Variants in GRIA4 observed in about 807,000 individuals in gnomAD.
The protein encoded by GRIA4 is glutamate ionotropic receptor AMPA type subunit 4.
Under a neutral mutation model 104.0 loss-of-function variants are expected in GRIA4, and 34 were observed. That is an observed-to-expected ratio of 0.33 (90% CI 0.25 to 0.44). The LOEUF is 0.44. Ranked by LOEUF, GRIA4 falls within the 20% of genes least tolerant of loss-of-function variation. GRIA4 has a pLI of 1.00. For missense variants in GRIA4, 750 were observed against 1,096.5 expected (o/e 0.68, Z 4.46); for synonymous variants, 386 against 381.9 (o/e 1.01, Z -0.13).
chr11:105,961,561 GA>G (rs1182633517), intron 14 of GRIA4, among the ~76,000 whole-genome samples: 2 of 152,198 alleles, frequency 1.3e-5, no homozygotes, highest in African/African-American at 4.8e-5. Flanking sequence ...TTTGGGACCA[GA>G]AGTGTTTTGG....
rs557265423 is a variant in GRIA4 at position 105,836,754 on chromosome 11, T to C, written c.488-25270T>C. Among the ~76,000 whole-genome samples, 5 of 152,270 alleles carry C rather than the reference T, an allele frequency of 3.3e-5. No homozygotes were observed. In the South Asian group the frequency reaches 1.0e-3, roughly 32 times the overall value. ...GCACACTAGGTGATTCTGATGTGGA[T>C]GATTTAAAAGCCACACTTTGAGAAA... On this transcript the variant is annotated intron_variant, in intron 4 of 16. Coordinates refer to ENST00000282499, the MANE Select transcript of GRIA4 (RefSeq NM_000829.4).
At chr11:105,744,089 TC>T (rs1939497957) in intron 3 of GRIA4, among the ~76,000 whole-genome samples, 1 of 152,170 alleles carries the variant, frequency 6.6e-6, no homozygotes, top group Admixed American at 6.5e-5. Context: ...CACTCCACCC[TC>T]TGAGAAGTAC....
At chr11:105,892,364 T>A (rs1373612554) in intron 6 of GRIA4, among the ~76,000 whole-genome samples, 1 of 152,176 alleles carries the variant, frequency 6.6e-6, no homozygotes, top group Non-Finnish European at 1.5e-5. Flanking sequence ...TTAATTTACA[T>A]CTAGGAGAAC....
intron 3 of GRIA4, among the ~76,000 whole-genome samples, chr11:105,665,853 A>G (rs1952148785): frequency 6.6e-6 from 1 of 151,984 alleles, no homozygotes; most frequent in African/African-American, 2.4e-5. Context: ...CATTTCACAG[A>G]AAGAAATACC....
chr11:105,960,643 A>C (rs934918998), intron 14 of GRIA4, among the ~76,000 whole-genome samples: 2 of 152,174 alleles, frequency 1.3e-5, no homozygotes, highest in Non-Finnish European at 2.9e-5. Flanking sequence ...AGGCAGCAGC[A>C]GCTGGTGCTG....
chr11:105,669,650 G>C (rs536793727), intron 3 of GRIA4, among the ~76,000 whole-genome samples: 1 of 152,190 alleles, frequency 6.6e-6, no homozygotes, highest in East Asian at 1.9e-4. Context: ...CCCCAACTCA[G>C]ATCTGGACTT....
chr11:105,892,091 T>A (rs1386604048), intron 6 of GRIA4, among the ~76,000 whole-genome samples: 2 of 152,138 alleles, frequency 1.3e-5, no homozygotes, highest in African/African-American at 2.4e-5. Context: ...CCTGTCTGAT[T>A]GCAAAGAATA....
chr11:105,879,858 T>C (rs1945982671), intron 5 of GRIA4, among the ~76,000 whole-genome samples: 1 of 152,210 alleles, frequency 6.6e-6, no homozygotes, highest in African/African-American at 2.4e-5. Context: ...ATGAAAGATA[T>C]ATTAACATTG....
chr11:105,674,183 T>G (rs1373207101), intron 3 of GRIA4, among the ~76,000 whole-genome samples: 1 of 152,026 alleles, frequency 6.6e-6, no homozygotes, highest in African/African-American at 2.4e-5. Context: ...TCTACCGATT[T>G]ATTACAATCA....
chr11:105,685,096 T>G (rs1442626170), intron 3 of GRIA4, among the ~76,000 whole-genome samples: 1 of 150,016 alleles, frequency 6.7e-6, no homozygotes, highest in East Asian at 2.0e-4. Flanking sequence ...TTATCAATTA[T>G]TTACCACCTG....
At chr11:105,888,271 CTTTTTTTTTTTTT>C (rs71469040) in intron 6 of GRIA4, among the ~76,000 whole-genome samples, 41 of 54,574 alleles carry the variant, frequency 7.5e-4, no homozygotes, top group Middle Eastern at 0.031. Context: ...ATGTTTTCTC[CTTTTTTTTTTTTT>C]TTTTTTTTTT....
intron 13 of GRIA4, among the ~76,000 whole-genome samples, 156 bp from the exon 14 acceptor site, chr11:105,933,566 G>T (rs1195450653): frequency 6.6e-6 from 1 of 152,062 alleles, no homozygotes; most frequent in Non-Finnish European, 1.5e-5. Flanking sequence ...TTTCCTATTT[G>T]AAAATAATAA....
intron 3 of GRIA4, among the ~76,000 whole-genome samples, chr11:105,619,162 A>G (rs1950677194): frequency 6.6e-6 from 1 of 151,776 alleles, no homozygotes; most frequent in Non-Finnish European, 1.5e-5. Context: ...ACTTAGAGAT[A>G]TGGAGAGATA....
In GRIA4 at chr11:105,905,320, G is replaced by GA; in HGVS notation, c.1158+24dup. 2 of 1,256,912 alleles carry GA rather than the reference G, an allele frequency of 1.6e-6. No individual in the cohort carries two copies. 77.9% of individuals were successfully genotyped at this position (1,256,912 alleles called of 1,614,324 possible). ...TAGAAAGGTGAGCCACGATCAAACTGAAAAACAGAATTCTCTGTTTCTTAG... is the reference window on the plus strand; with the variant it reads ...TAGAAAGGTGAGCCACGATCAAACTGAAAAAACAGAATTCTCTGTTTCTTAG... On this transcript the variant is annotated intron_variant, in intron 9 of 16. Coordinates refer to ENST00000282499, the MANE Select transcript of GRIA4 (RefSeq NM_000829.4).
At chr11:105,691,465 G>C (rs764664436) in intron 3 of GRIA4, among the ~76,000 whole-genome samples, 15 of 152,058 alleles carry the variant, frequency 9.9e-5, no homozygotes, top group African/African-American at 1.4e-4. Flanking sequence ...TTTTATAAAG[G>C]TATCTGGATA....
In GRIA4 at chr11:105,684,719, C is replaced by A. The variant is rs151058775; in HGVS notation, c.248-68262C>A. Among the ~76,000 whole-genome samples, 318 of 150,564 alleles carry A rather than the reference C, an allele frequency of 2.1e-3. 2 individuals carry two copies. Among genetic ancestry groups the A allele is most frequent in the African/African-American group, 7.1e-3 (293 of 41,202 alleles). ...AAAAAGAATTTGATTTAAATAAAAC[C>A]TATTCTAAAGATAGGCACTTTGGAA... On this transcript the variant is annotated intron_variant, in intron 3 of 16. Coordinates refer to ENST00000282499, the MANE Select transcript of GRIA4 (RefSeq NM_000829.4).
At chr11:105,669,537 G>A (rs1160001325) in intron 3 of GRIA4, among the ~76,000 whole-genome samples, 1 of 152,076 alleles carries the variant, frequency 6.6e-6, no homozygotes, top group Admixed American at 6.6e-5. Context: ...TAAAAGATCA[G>A]GTTCTCTTTT....
rs1313330915 is a variant in GRIA4, at chr11:105,781,455, G to GT, written c.487+28241dup. ...ACAATTTGAAGTCTAAATTTTGTGG[G>GT]TTTTTTAACCATAAGTTACGTTTCT... On this transcript the variant is annotated intron_variant, in intron 4 of 16. Transcript: ENST00000282499. Among the ~76,000 whole-genome samples, 5 of 152,122 alleles carry GT rather than the reference G, an allele frequency of 3.3e-5. No individual in the cohort carries two copies. The East Asian group carries it at 9.7e-4, about 29-fold the overall frequency.
In GRIA4 at chr11:105,933,678, G is replaced by A. The variant is rs576658348; in HGVS notation, c.2047-44G>A. 5.0e-6 allele frequency: 7 copies of A among 1,403,458 alleles called. No individual in the cohort carries two copies. The Admixed American group carries it at 1.6e-4, about 31-fold the overall frequency. 86.9% of individuals were successfully genotyped at this position (1,403,458 alleles called of 1,614,324 possible). On this transcript the variant is annotated intron_variant, in intron 13 of 16. Transcript: ENST00000282499. ...TTGGTTCAGCGAATATTAACATGTT[G>A]TTCCCTTCTTTCCTGTATTTAATTT... is the stretch of plus-strand genomic sequence containing the variant.
Sources: gnomAD v4.1 joint callset for allele counts (sites outside exome capture counted in the v4.1 genomes callset) on GRCh38, gnomAD v4.1.1 for gene constraint, MANE v1.5 for transcripts, NCBI Gene and HGNC (gene_info 2026-07-23, HGNC 2026-07-21) for gene names.